The following PLPPR5 variants were observed in gnomAD, a reference collection of about 807,000 sequenced individuals.
PLPPR5 encodes phospholipid phosphatase-related protein type 5.
A neutral mutation model predicts 33.9 loss-of-function variants in PLPPR5; 16 were observed. The observed-to-expected ratio is 0.47, with a 90% CI of 0.32 to 0.72. The LOEUF is 0.72. PLPPR5 is among the 30% of genes least tolerant of loss of function. The pLI is 0.03. For synonymous variants in PLPPR5, 163 were observed against 150.3 expected (o/e 1.08, Z -0.62); for missense variants, 301 against 406.7 (o/e 0.74, Z 2.23).
At position 98,965,649 on chromosome 1, in the gene PLPPR5, A is replaced by G. The variant is rs371984429; in HGVS notation, c.238-8908T>C. ...TTGTTATGCATAGTCCAACTTTGTG[A>G]TCTACAGTCCTTGATGACAAAATAC... On this transcript the variant is annotated intron_variant, in intron 1 of 5. Coordinates refer to ENST00000263177, the MANE Select transcript of PLPPR5 (RefSeq NM_001037317.2). Among the ~76,000 whole-genome samples, 312 of 152,318 alleles carry G rather than the reference A, an allele frequency of 2.0e-3. 5 individuals are homozygous for G. Among genetic ancestry groups the G allele is most frequent in the South Asian group, 0.013 (61 of 4,818 alleles).
intron 1 of PLPPR5, among the ~76,000 whole-genome samples, chr1:98,958,160 T>C (rs183575105): frequency 6.6e-6 from 1 of 152,358 alleles, no homozygotes; most frequent in East Asian, 1.9e-4. Flanking sequence ...TTATTATGTC[T>C]TGTCAAGCTT....
intron 2 of PLPPR5, among the ~76,000 whole-genome samples, chr1:98,955,905 A>G (rs1650985490): frequency 6.6e-6 from 1 of 152,156 alleles, no homozygotes; most frequent in Admixed American, 6.5e-5. Context: ...TCAGTTAAAA[A>G]ATGGGTCTAG....
chr1:98,996,785 A>T (rs935720108), intron 1 of PLPPR5, among the ~76,000 whole-genome samples: 1 of 152,110 alleles, frequency 6.6e-6, no homozygotes, highest in African/African-American at 2.4e-5. Flanking sequence ...TCTTCTTTTT[A>T]TGTTTGGTTG....
chr1:98,931,934 G>A (rs894139154), intron 3 of PLPPR5, among the ~76,000 whole-genome samples: 1 of 152,160 alleles, frequency 6.6e-6, no homozygotes. Context: ...CTGCAGTTAT[G>A]AACAGACTGG....
intron 1 of PLPPR5, among the ~76,000 whole-genome samples, chr1:98,976,969 G>A (rs576993341): frequency 2.0e-4 from 30 of 152,084 alleles, no homozygotes; most frequent in African/African-American, 6.5e-4. Context: ...TAGGTCCCAG[G>A]TTTAAAAAGA....
intron 5 of PLPPR5, among the ~76,000 whole-genome samples, chr1:98,914,207 C>T (rs1018795994): frequency 1.3e-5 from 2 of 152,170 alleles, no homozygotes; most frequent in Non-Finnish European, 2.9e-5. Context: ...ACACAATGTT[C>T]CTTATTTAGA....
rs1390782580 is a variant in PLPPR5 at position 98,890,555 on chromosome 1, A to G, written c.*2517T>C. 1 of 152,580 alleles carries G rather than the reference A, an allele frequency of 6.6e-6. No individual in the cohort carries two copies. The highest frequency in any genetic ancestry group is 6.6e-5 in the Admixed American group (1 of 15,262). 9.5% of individuals were successfully genotyped at this position (152,580 alleles called of 1,614,324 possible). ...GAAATTTTCAAGTTGACTAAATTAT[A>G]CTGACCTGGGCCCCAAGTAAGTAGA... On this transcript the variant is annotated 3_prime_UTR_variant, in exon 6 of 6. Coordinates refer to ENST00000263177, the MANE Select transcript of PLPPR5 (RefSeq NM_001037317.2).
chr1:98,925,384 C>T (rs1006119229), intron 3 of PLPPR5, among the ~76,000 whole-genome samples: 8 of 152,112 alleles, frequency 5.3e-5, no homozygotes, highest in Non-Finnish European at 7.4e-5. Flanking sequence ...AGCTTATTCA[C>T]CCATTCCACA....
chr1:98,893,688 C>A (rs1648369144), intron 5 of PLPPR5, among the ~76,000 whole-genome samples: 1 of 129,246 alleles, frequency 7.7e-6, no homozygotes, highest in Non-Finnish European at 1.6e-5. Context: ...GAATGCCTAA[C>A]ATTTAAATAG....
At chr1:98,968,245 A>C (rs184262188) in intron 1 of PLPPR5, among the ~76,000 whole-genome samples, 434 of 152,200 alleles carry the variant, frequency 2.9e-3, no homozygotes, top group Non-Finnish European at 4.5e-3. Flanking sequence ...ATATAAAGTC[A>C]ATGTCTCCAT....
At chr1:98,922,295 A>G (rs1649585278) in intron 3 of PLPPR5, among the ~76,000 whole-genome samples, 2 of 152,226 alleles carry the variant, frequency 1.3e-5, no homozygotes, top group African/African-American at 4.8e-5. Flanking sequence ...GCCAATTCTT[A>G]GCATAACATT....
intron 1 of PLPPR5, among the ~76,000 whole-genome samples, chr1:99,002,553 T>C (rs79653518): frequency 0.028 from 4,265 of 152,214 alleles, 154 homozygotes; most frequent in East Asian, 0.2. Flanking sequence ...AGAGCTGCTC[T>C]GAGAAATATA....
intron 5 of PLPPR5, among the ~76,000 whole-genome samples, chr1:98,913,922 T>C (rs1362296226): frequency 1.3e-5 from 2 of 152,182 alleles, no homozygotes; most frequent in Non-Finnish European, 2.9e-5. Flanking sequence ...TAATGAGGCC[T>C]TGGCCTACCA....
intron 5 of PLPPR5, 136 bp downstream of exon 5, chr1:98,914,650 G>T: frequency 1.3e-6 from 1 of 745,086 alleles, no homozygotes; most frequent in Non-Finnish European, 2.0e-6. Context: ...TCTCTTTAGT[G>T]GCTAAATTCT....
At chr1:98,970,987 C>T (rs965853767) in intron 1 of PLPPR5, among the ~76,000 whole-genome samples, 2 of 151,970 alleles carry the variant, frequency 1.3e-5, no homozygotes, top group African/African-American at 2.4e-5. Flanking sequence ...CTGCATAAAG[C>T]GTAAAAAATG....
chr1:98,955,584 A>G (rs76990712), intron 2 of PLPPR5, among the ~76,000 whole-genome samples: 6 of 152,184 alleles, frequency 3.9e-5, no homozygotes, highest in Middle Eastern at 3.4e-3. Flanking sequence ...AAAAATAACA[A>G]TCTTGGATAT....
chr1:98,973,025 C>T (rs1651711061), intron 1 of PLPPR5, among the ~76,000 whole-genome samples: 1 of 152,094 alleles, frequency 6.6e-6, no homozygotes, highest in South Asian at 2.1e-4. Context: ...CAGACACATA[C>T]TGTAGCAGAG....
Position 98,941,390 on chromosome 1 carries a change from G to A in PLPPR5, c.621+11680C>T, listed in dbSNP as rs183260222. 6.9e-3 allele frequency among the ~76,000 whole-genome samples: 1,049 copies of A among 151,900 alleles called. 20 individuals carry two copies. Among genetic ancestry groups the A allele is most frequent in the Non-Finnish European group, 9.9e-3 (669 of 67,870 alleles). On this transcript the variant is annotated intron_variant, in intron 3 of 5. Coordinates refer to ENST00000263177, the MANE Select transcript of PLPPR5 (RefSeq NM_001037317.2). ...AGGTCTGAGGAGTGGTTTCAGGAGAGTGAGTGTGCATATGTGTGTTTGTGT... is the reference window on the plus strand; with the variant it reads ...AGGTCTGAGGAGTGGTTTCAGGAGAATGAGTGTGCATATGTGTGTTTGTGT...
chr1:98,927,607 T>G (rs1392514925), intron 3 of PLPPR5, among the ~76,000 whole-genome samples: 1 of 152,224 alleles, frequency 6.6e-6, no homozygotes, highest in Non-Finnish European at 1.5e-5. Context: ...CTGCTGCAGG[T>G]GTACTAAGAG....
Sources: gnomAD v4.1 joint callset for allele counts (sites outside exome capture counted in the v4.1 genomes callset) on GRCh38, gnomAD v4.1.1 for gene constraint, MANE v1.5 for transcripts, NCBI Gene and HGNC (gene_info 2026-07-23, HGNC 2026-07-21) for gene names.